The following ANKRD30B variants were observed in gnomAD, a reference collection of about 807,000 sequenced individuals.
ANKRD30B encodes the protein ankyrin repeat domain 30B.
In ANKRD30B, 144 loss-of-function variants were observed where a neutral mutation model predicts 202.2. The ratio of observed to expected loss-of-function variants is 0.71; its 90% CI spans 0.62 to 0.82. The LOEUF is 0.82. ANKRD30B is among the 40% of genes least tolerant of loss of function. The probability of loss-of-function intolerance (pLI) is 0.00; values close to 1 mark genes in which losing one functional copy is unlikely to be tolerated. For missense variants in ANKRD30B, 1,487 were observed against 1,669.1 expected (o/e 0.89, Z 1.90); for synonymous variants, 508 against 561.3 (o/e 0.91, Z 1.34).
intron 39 of ANKRD30B, among the ~76,000 whole-genome samples, chr18:14,845,192 C>T (rs1971581705): frequency 6.6e-6 from 1 of 151,850 alleles, no homozygotes; most frequent in African/African-American, 2.4e-5. Flanking sequence ...ATGGTATTGC[C>T]TAGGATTTCT....
the ANKRD30B span, chr18:14,906,004 G>T: frequency 6.6e-6 from 1 of 152,000 alleles, no homozygotes; most frequent in Non-Finnish European, 1.5e-5. Context: ...GGCCCTGAAG[G>T]TGGTTCCATT....
At chr18:14,799,000 A>C in intron 20 of ANKRD30B, 101 bp from the exon 21 acceptor site, 1 of 1,214,260 alleles carries the variant, frequency 8.2e-7, no homozygotes, top group Non-Finnish European at 1.2e-6. Context: ...TTTTCAATCC[A>C]AGCATCATGA....
intron 16 of ANKRD30B, among the ~76,000 whole-genome samples, chr18:14,795,439 C>A (rs550259261): frequency 6.6e-6 from 1 of 152,098 alleles, no homozygotes; most frequent in Non-Finnish European, 1.5e-5. Flanking sequence ...TTGAGAGATC[C>A]GCCCTCTTCA....
chr18:14,847,604 G>A (rs1213502674), intron 39 of ANKRD30B, among the ~76,000 whole-genome samples: 1 of 145,720 alleles, frequency 6.9e-6, no homozygotes, highest in Non-Finnish European at 1.5e-5. Flanking sequence ...GTGCAATTTA[G>A]TTTTTAAAAG....
chr18:14,811,243 G>A (rs935416784), intron 28 of ANKRD30B, among the ~76,000 whole-genome samples: 18 of 151,388 alleles, frequency 1.2e-4, no homozygotes, highest in African/African-American at 4.1e-4. Flanking sequence ...CGCCCATCTC[G>A]TTGTCTCGCC....
chr18:14,806,265 A>G (rs1360241518), intron 24 of ANKRD30B, among the ~76,000 whole-genome samples: 1 of 150,524 alleles, frequency 6.6e-6, no homozygotes, highest in Non-Finnish European at 1.5e-5. Context: ...TTTACTTTCC[A>G]CCACATTTAA....
intron 11 of ANKRD30B, among the ~76,000 whole-genome samples, chr18:14,781,542 G>A (rs1967747771): frequency 6.6e-6 from 1 of 152,206 alleles, no homozygotes; most frequent in Non-Finnish European, 1.5e-5. Flanking sequence ...TTTATGCCAT[G>A]CATCATTTTT....
chr18:14,864,341 C>A, the ANKRD30B span, among the ~76,000 whole-genome samples: 2 of 151,680 alleles, frequency 1.3e-5, no homozygotes, highest in African/African-American at 4.8e-5. Flanking sequence ...TCTCAAAAAA[C>A]CAAACCAAAC....
At chr18:14,852,919 A>C (rs572636788) in intron 42 of ANKRD30B, among the ~76,000 whole-genome samples, 1 of 152,128 alleles carries the variant, frequency 6.6e-6, no homozygotes, top group Admixed American at 6.5e-5. Context: ...GTAGCTTTTT[A>C]TATATTTTAT....
chr18:14,768,173 A>G (rs970379447), intron 7 of ANKRD30B, among the ~76,000 whole-genome samples: 1 of 152,140 alleles, frequency 6.6e-6, no homozygotes, highest in Non-Finnish European at 1.5e-5. Context: ...ATTCATGCCT[A>G]TGTAATAAAG....
At chr18:14,792,880 G>GAT (rs1424131699) in intron 16 of ANKRD30B, among the ~76,000 whole-genome samples, 5 of 152,024 alleles carry the variant, frequency 3.3e-5, no homozygotes, top group African/African-American at 1.2e-4. Flanking sequence ...CGAATAACAT[G>GAT]ATATACCAAA....
intron 6 of ANKRD30B, among the ~76,000 whole-genome samples, chr18:14,761,868 G>T (rs1257924432): frequency 6.6e-6 from 1 of 152,142 alleles, no homozygotes. Flanking sequence ...GAGAGTTAGG[G>T]TGCTGATCCC....
At chr18:14,797,995 T>A (rs1228777706) in intron 20 of ANKRD30B, 141 bp downstream of exon 20, 12 of 944,382 alleles carry the variant, frequency 1.3e-5, no homozygotes, top group African/African-American at 3.3e-5. Context: ...ATGTTAGTAT[T>A]TATGTTTGAG....
chr18:14,917,130 C>G, the ANKRD30B span, among the ~76,000 whole-genome samples: 1 of 152,230 alleles, frequency 6.6e-6, no homozygotes. Context: ...CTCCCTCCCC[C>G]TGGCTGCGTC....
At chr18:14,916,130 G>A in the ANKRD30B span, among the ~76,000 whole-genome samples, 1 of 152,192 alleles carries the variant, frequency 6.6e-6, no homozygotes, top group Admixed American at 6.5e-5. Flanking sequence ...GGCTGATGGT[G>A]CTGCTGTGGG....
Position 14,851,790 on chromosome 18 carries a change from G to C in ANKRD30B, c.3846G>C (p.Lys1282Asn). 2.5e-6 allele frequency: 4 copies of C among 1,580,536 alleles called. No homozygotes were observed. Among genetic ancestry groups the C allele is most frequent in the Non-Finnish European group, 3.4e-6 (4 of 1,161,606 alleles). Residue 1282 changes from lysine (K) to asparagine (N), a missense_variant, in exon 42 of 44, where the codon AAG (lysine) becomes AAC (asparagine). By Grantham distance (94) the Lys-to-Asn change is moderately conservative. This residue lies in a region of ANKRD30B where 21 missense variants were observed against 57.2 expected (regional missense o/e 0.37). Coordinates refer to ENST00000690538, the MANE Select transcript of ANKRD30B (RefSeq NM_001367607.2). ...ACACGATGCTGACTTCTAAATTGAA[G>C]GAAAAACAAGACAAAGAAATACTGG... ...AENTMLTSKL[K>N]EKQDKEILET... is the part of the protein sequence containing the mutation.
chr18:14,828,191 T>G (rs1414830827), intron 32 of ANKRD30B, 87 bp from the exon 33 acceptor site: 23 of 976,056 alleles, frequency 2.4e-5, no homozygotes, highest in Non-Finnish European at 3.4e-5. Flanking sequence ...TACAGGCATG[T>G]GCCATCGTGC....
chr18:14,837,719 T>A, intron 36 of ANKRD30B, 43 bp downstream of exon 36: 1 of 1,459,610 alleles, frequency 6.9e-7, no homozygotes. Context: ...ACTTAAGTAC[T>A]CAGTAATCTT....
intron 6 of ANKRD30B, 44 bp downstream of exon 6, chr18:14,760,662 A>G: frequency 2.2e-6 from 3 of 1,350,346 alleles, no homozygotes; most frequent in Non-Finnish European, 3.1e-6. Flanking sequence ...TGCTACCATA[A>G]GATTAGGGAA....
Sources: allele counts gnomAD v4.1 joint callset (sites outside exome capture counted in the v4.1 genomes callset), GRCh38; gene constraint gnomAD v4.1.1; regional missense constraint gnomAD v4.1.1; transcripts MANE v1.5; gene names NCBI Gene and HGNC (gene_info 2026-07-23, HGNC 2026-07-21).